The following YES1 variants were observed in gnomAD, a reference collection of about 807,000 sequenced individuals.
YES1 encodes tyrosine-protein kinase Yes.
A neutral mutation model predicts 70.4 loss-of-function variants in YES1; 39 were observed. That is an observed-to-expected ratio of 0.55 (90% CI 0.43 to 0.72). The LOEUF is 0.72. Ranked by LOEUF, YES1 falls within the 30% of genes least tolerant of loss-of-function variation. The probability of loss-of-function intolerance (pLI) is 0.00; values close to 1 mark genes in which losing one functional copy is unlikely to be tolerated. For synonymous variants in YES1, 198 were observed against 218.6 expected, an observed-to-expected ratio of 0.91 and a Z score of 0.83; for missense variants, 495 against 644.8, an observed-to-expected ratio of 0.77 and a Z score of 2.52.
At chr18:759,729 A>G (rs1437549522) in intron 1 of YES1, among the ~76,000 whole-genome samples, 2 of 151,828 alleles carry the variant, frequency 1.3e-5, no homozygotes, top group Non-Finnish European at 2.9e-5. Flanking sequence ...TATTATTATT[A>G]TACTCTAAGG....
intron 1 of YES1, among the ~76,000 whole-genome samples, chr18:774,289 A>G (rs1054499283): frequency 6.6e-6 from 1 of 152,136 alleles, no homozygotes; most frequent in African/African-American, 2.4e-5. Flanking sequence ...TCCTTTGGTG[A>G]TATCACCCAG....
At chr18:781,276 AAAAAAAAAAAT>A (rs892040733) in intron 1 of YES1, among the ~76,000 whole-genome samples, 1 of 151,708 alleles carries the variant, frequency 6.6e-6, no homozygotes, top group Non-Finnish European at 1.5e-5. Context: ...TCTCAAAAAA[AAAAAAAAAAAT>A]AAGAGGGCCT....
rs1221047672 is a variant in YES1, at chr18:721,808, A to G, written c.*2616T>C. 4 of 152,620 alleles carry G rather than the reference A, an allele frequency of 2.6e-5. No homozygotes were observed. Among genetic ancestry groups the G allele is most frequent in the African/African-American group, 9.6e-5 (4 of 41,456 alleles). 9.5% of individuals were successfully genotyped at this position (152,620 alleles called of 1,614,324 possible). A position where few individuals can be genotyped will look rare whatever the true frequency, so the allele number is the denominator to read the frequency against. On this transcript the variant is annotated 3_prime_UTR_variant, in exon 12 of 12. Transcript: ENST00000314574. ...ACAAAACAATATTACAATACTTTAT[A>G]AAAATATTAAGTTTAGGCTACCATT...
At chr18:779,185 TGAGTCC>T (rs1465603145) in intron 1 of YES1, among the ~76,000 whole-genome samples, 4 of 151,970 alleles carry the variant, frequency 2.6e-5, no homozygotes, top group African/African-American at 9.7e-5. Context: ...GAGAATCACT[TGAGTCC>T]AGCAGTTCAG....
intron 1 of YES1, among the ~76,000 whole-genome samples, chr18:801,473 G>A (rs1017719603): frequency 5.9e-5 from 9 of 152,152 alleles, no homozygotes; most frequent in African/African-American, 1.9e-4. Context: ...GTAGGAAACT[G>A]CTATTCTACT....
chr18:792,870 A>AGGG (rs1906341429), intron 1 of YES1, among the ~76,000 whole-genome samples: 1 of 150,734 alleles, frequency 6.6e-6, no homozygotes, highest in African/African-American at 2.5e-5. Context: ...AGGGGGGGGA[A>AGGG]AAAGCTTAAA....
intron 2 of YES1, among the ~76,000 whole-genome samples, chr18:755,943 A>G (rs1337867178): frequency 6.6e-6 from 1 of 152,216 alleles, no homozygotes; most frequent in Non-Finnish European, 1.5e-5. Flanking sequence ...TGTCTCCACG[A>G]AAGGTTGTCA....
intron 1 of YES1, among the ~76,000 whole-genome samples, chr18:758,571 T>C (rs530415267): frequency 2.0e-5 from 3 of 152,334 alleles, no homozygotes; most frequent in Admixed American, 2.0e-4. Context: ...TCCCCACCTC[T>C]CTACCTGCTA....
intron 11 of YES1, among the ~76,000 whole-genome samples, chr18:725,611 G>A (rs886340794): frequency 6.6e-6 from 1 of 152,088 alleles, no homozygotes; most frequent in African/African-American, 2.4e-5. Context: ...AAATCTGGCC[G>A]GGCACAGTGG....
intron 3 of YES1, among the ~76,000 whole-genome samples, chr18:748,363 T>TC (rs1340039296): frequency 6.6e-6 from 1 of 151,000 alleles, no homozygotes; most frequent in Admixed American, 6.6e-5. Context: ...TTCTTTTCTT[T>TC]TTTTTTTTTT....
Position 736,979 on chromosome 18 carries a change from A to G in YES1, c.1138-18T>C. 1 of 1,592,744 alleles carries G rather than the reference A, an allele frequency of 6.3e-7. No individual in the cohort carries two copies. On this transcript the variant is annotated intron_variant, in intron 9 of 11. Coordinates refer to ENST00000314574, the MANE Select transcript of YES1 (RefSeq NM_005433.4). ...TCAGCAATCTTGGAAAGAGAAAAACAAAAAACACAAGACATACGATACAAA... is the reference window on the plus strand; with the variant it reads ...TCAGCAATCTTGGAAAGAGAAAAACGAAAAACACAAGACATACGATACAAA...
intron 11 of YES1, among the ~76,000 whole-genome samples, chr18:732,503 T>A (rs988546106): frequency 1.4e-5 from 2 of 145,386 alleles, no homozygotes; most frequent in East Asian, 2.0e-4. Flanking sequence ...ATTTAGGGTA[T>A]AGGGTGGATG....
chr18:794,580 A>G (rs901323861), intron 1 of YES1, among the ~76,000 whole-genome samples: 1 of 152,154 alleles, frequency 6.6e-6, no homozygotes, highest in Admixed American at 6.5e-5. Context: ...ATGGCTTAAA[A>G]TAACAAATTT....
At chr18:756,880 A>G (rs781501851) in intron 1 of YES1, 45 bp from the exon 2 acceptor site, 3 of 1,529,856 alleles carry the variant, frequency 2.0e-6, no homozygotes, top group Non-Finnish European at 2.6e-6. Flanking sequence ...AACACACAGG[A>G]TACTTCAAAA....
chr18:728,639 G>C (rs899989244), intron 11 of YES1, among the ~76,000 whole-genome samples: 6 of 152,096 alleles, frequency 3.9e-5, no homozygotes, highest in Admixed American at 3.9e-4. Context: ...TGATTCTCCT[G>C]CCTCAGCCTC....
intron 1 of YES1, among the ~76,000 whole-genome samples, chr18:804,820 AG>A (rs1907008405): frequency 7.0e-6 from 1 of 143,362 alleles, no homozygotes; most frequent in East Asian, 2.2e-4. Flanking sequence ...AGGCTGAGGC[AG>A]GAGAATCACT....
In YES1 at chr18:771,850, G is replaced by A. The variant is rs142911141; in HGVS notation, c.-8-15015C>T. Among the ~76,000 whole-genome samples the A allele has an allele frequency of 1.2e-3, 188 of 152,168 alleles. 1 individual carries two copies. Among genetic ancestry groups the A allele is most frequent in the African/African-American group, 3.9e-3 (162 of 41,528 alleles). On this transcript the variant is annotated intron_variant, in intron 1 of 11. Transcript: ENST00000314574. ...GGCCTGGAAGAAAAAATGTTAAAAA[G>A]TATTTCCTTATGTATCTGCTTGGTA...
intron 10 of YES1, among the ~76,000 whole-genome samples, chr18:733,441 A>G (rs147200238): frequency 1.9e-4 from 29 of 152,318 alleles, no homozygotes; most frequent in African/African-American, 6.7e-4. Context: ...TACTTACTGT[A>G]TATCTTTTTT....
chr18:739,590 C>T (rs982942995), intron 9 of YES1, 145 bp downstream of exon 9: 2 of 613,694 alleles, frequency 3.3e-6, no homozygotes, highest in Non-Finnish European at 5.2e-6. Context: ...CCCTGGGTGA[C>T]AGAATGAGAC....
Sources: gnomAD v4.1 joint callset for allele counts (sites outside exome capture counted in the v4.1 genomes callset) on GRCh38, gnomAD v4.1.1 for gene constraint, MANE v1.5 for transcripts, NCBI Gene and HGNC (gene_info 2026-07-23, HGNC 2026-07-21) for gene names.